AFG1L: variants seen among roughly 807,000 people sequenced by gnomAD.
The protein encoded by AFG1L is AFG1 like ATPase, also known as AFG1-like ATPase.
In AFG1L, 53 loss-of-function variants were observed where a neutral mutation model predicts 62.2. The observed-to-expected ratio is 0.85, with a 90% CI of 0.68 to 1.07. The LOEUF (loss-of-function observed/expected upper bound fraction) is 1.07. Among genes scored for constraint, AFG1L ranks in the 50% least tolerant of loss-of-function variants. The pLI is 0.00. For missense variants in AFG1L, 555 were observed against 590.5 expected (o/e 0.94, Z 0.62); for synonymous variants, 228 against 210.3 (o/e 1.08, Z -0.73).
At chr6:108,442,777 G>A (rs1264431800) in intron 7 of AFG1L, among the ~76,000 whole-genome samples, 1 of 152,110 alleles carries the variant, frequency 6.6e-6, no homozygotes, top group East Asian at 1.9e-4. Flanking sequence ...AGATTGTCTA[G>A]GATTGTCCTA....
intron 1 of AFG1L, among the ~76,000 whole-genome samples, chr6:108,304,904 T>C (rs630515): frequency 0.98 from 148,928 of 152,308 alleles, 72,832 homozygotes; most frequent in East Asian, 1. Flanking sequence ...GACTAGATTG[T>C]GATTTTGGTT....
chr6:108,494,925 C>A (rs946233262), intron 10 of AFG1L, among the ~76,000 whole-genome samples: 44 of 151,946 alleles, frequency 2.9e-4, no homozygotes, highest in African/African-American at 1.1e-3. Flanking sequence ...CGTGCACCAC[C>A]CTGCCCAGCT....
intron 7 of AFG1L, among the ~76,000 whole-genome samples, chr6:108,428,303 G>A (rs1032121973): frequency 7.2e-5 from 11 of 152,170 alleles, no homozygotes; most frequent in African/African-American, 2.4e-4. Context: ...TGGCTGAGTA[G>A]CATTCCATGG....
At chr6:108,437,925 A>T (rs546196385) in intron 7 of AFG1L, among the ~76,000 whole-genome samples, 1 of 152,274 alleles carries the variant, frequency 6.6e-6, no homozygotes, top group Admixed American at 6.5e-5. Flanking sequence ...CAGCTCAGCC[A>T]CCTACAAACT....
At chr6:108,393,030 G>T (rs1028071272) in intron 6 of AFG1L, among the ~76,000 whole-genome samples, 1 of 152,018 alleles carries the variant, frequency 6.6e-6, no homozygotes, top group African/African-American at 2.4e-5. Flanking sequence ...TCACTGTTGA[G>T]AATTTAGAGG....
intron 6 of AFG1L, among the ~76,000 whole-genome samples, chr6:108,375,124 A>C (rs1005918450): frequency 1.3e-5 from 2 of 152,016 alleles, no homozygotes; most frequent in Non-Finnish European, 2.9e-5. Context: ...TTTGGCTCTC[A>C]GTTTGAATGT....
rs1775251206 is a variant in AFG1L, at chr6:108,524,514, A to G, written c.*2089A>G. 6.6e-6 allele frequency: 1 copy of G among 152,244 alleles called. No homozygotes were observed. The highest frequency in any genetic ancestry group is 2.1e-4 in the South Asian group (1 of 4,834). 9.4% of individuals were successfully genotyped at this position (152,244 alleles called of 1,614,324 possible). Reference sequence around the variant, plus strand: ...GTGCTGGTCAAACGCATAGAAGCCTATGTAATTCTCAGTGTAGCTTCCCTA... The same window carrying G: ...GTGCTGGTCAAACGCATAGAAGCCTGTGTAATTCTCAGTGTAGCTTCCCTA... On this transcript the variant is annotated 3_prime_UTR_variant, in exon 13 of 13. Transcript: ENST00000368977.
intron 1 of AFG1L, among the ~76,000 whole-genome samples, chr6:108,299,788 A>G (rs918446425): frequency 2.8e-4 from 43 of 152,266 alleles, no homozygotes; most frequent in South Asian, 2.1e-4. Context: ...TAGAAGAGAA[A>G]AGAAAAGAAA....
intron 11 of AFG1L, among the ~76,000 whole-genome samples, chr6:108,511,949 CT>C (rs1443734040): frequency 6.6e-5 from 10 of 152,214 alleles, no homozygotes; most frequent in Admixed American, 6.5e-4. Flanking sequence ...AAAATCACCA[CT>C]GTGGGATGAC....
At chr6:108,436,946 C>G (rs1483068534) in intron 7 of AFG1L, among the ~76,000 whole-genome samples, 1 of 152,208 alleles carries the variant, frequency 6.6e-6, no homozygotes, top group Non-Finnish European at 1.5e-5. Context: ...GCTGAGAAAT[C>G]TAAGATGAGG....
chr6:108,394,910 C>T (rs1411437038), intron 6 of AFG1L, among the ~76,000 whole-genome samples: 1 of 152,130 alleles, frequency 6.6e-6, no homozygotes, highest in African/African-American at 2.4e-5. Context: ...TTTTTATCCA[C>T]CTTCCTCAGC....
intron 3 of AFG1L, among the ~76,000 whole-genome samples, chr6:108,349,885 C>G (rs759906450): frequency 1.3e-5 from 2 of 152,140 alleles, no homozygotes; most frequent in Non-Finnish European, 2.9e-5. Flanking sequence ...CCACTGCACT[C>G]CAGCCTGGGC....
chr6:108,371,741 G>A (rs1780017073), intron 6 of AFG1L, among the ~76,000 whole-genome samples: 1 of 151,994 alleles, frequency 6.6e-6, no homozygotes, highest in Admixed American at 6.6e-5. Context: ...GTCTCAAAAT[G>A]TTTATTAAAT....
intron 7 of AFG1L, among the ~76,000 whole-genome samples, chr6:108,444,983 C>T (rs1430593805): frequency 6.6e-6 from 1 of 152,218 alleles, no homozygotes; most frequent in Non-Finnish European, 1.5e-5. Flanking sequence ...TAGTTGGCAT[C>T]TTCTTCCAGC....
chr6:108,472,114 C>T (rs2114803469), intron 8 of AFG1L, among the ~76,000 whole-genome samples: 1 of 152,198 alleles, frequency 6.6e-6, no homozygotes, highest in Non-Finnish European at 1.5e-5. Context: ...TACAAGATCT[C>T]ACTTGGATAT....
chr6:108,377,670 T>G (rs1389115602), intron 6 of AFG1L, among the ~76,000 whole-genome samples: 1 of 152,074 alleles, frequency 6.6e-6, no homozygotes, highest in African/African-American at 2.4e-5. Flanking sequence ...CTAGCTGCCT[T>G]TAAGATTTTT....
intron 8 of AFG1L, among the ~76,000 whole-genome samples, chr6:108,448,487 G>GTT (rs146011899): frequency 1.3e-4 from 19 of 149,222 alleles, no homozygotes; most frequent in African/African-American, 4.4e-4. Flanking sequence ...CTTGTTCTCT[G>GTT]TTTTTTTTCA....
In AFG1L at chr6:108,371,252, C is replaced by A. The variant is rs529779753; in HGVS notation, c.748+4920C>A. Among the ~76,000 whole-genome samples, 6 of 152,020 alleles carry A rather than the reference C, an allele frequency of 3.9e-5. No homozygotes were observed. In the East Asian group the frequency reaches 1.2e-3, roughly 29 times the overall value. The stretch of plus-strand genomic sequence containing the variant: ...CAGACTGGAGTGTAGTGGTGTGATA[C>A]CACTACAAGACACTAGAAATGTTGT... On this transcript the variant is annotated intron_variant, in intron 6 of 12. Coordinates refer to ENST00000368977, the MANE Select transcript of AFG1L (RefSeq NM_145315.5).
intron 6 of AFG1L, among the ~76,000 whole-genome samples, chr6:108,381,586 A>G (rs1296015): frequency 2.0e-5 from 3 of 152,178 alleles, no homozygotes; most frequent in Admixed American, 6.5e-5. Context: ...CTGGAAAAAA[A>G]AAAATTATAG....
Sources: gnomAD v4.1 joint callset for allele counts (sites outside exome capture counted in the v4.1 genomes callset) on GRCh38, gnomAD v4.1.1 for gene constraint, MANE v1.5 for transcripts, NCBI Gene and HGNC (gene_info 2026-07-23, HGNC 2026-07-21) for gene names.